The following SIGLEC11 variants were observed in gnomAD, a reference collection of about 807,000 sequenced individuals.
The protein encoded by SIGLEC11 is sialic acid-binding Ig-like lectin 11.
SIGLEC11 carries 47 observed loss-of-function variants against 61.2 expected under a neutral mutation model. The observed-to-expected ratio is 0.77, with a 90% CI of 0.61 to 0.98. The LOEUF is 0.98. SIGLEC11 is among the 50% of genes least tolerant of loss of function. The pLI is 0.00. For synonymous variants in SIGLEC11, 278 were observed against 373.1 expected (o/e 0.75, Z 2.94); for missense variants, 610 against 870.3 (o/e 0.70, Z 3.76).
intron 9 of SIGLEC11, 70 bp downstream of exon 9, chr19:49,952,228 C>A: frequency 6.8e-7 from 1 of 1,468,212 alleles, no homozygotes; most frequent in South Asian, 1.2e-5. Flanking sequence ...ATTCCTGCAG[C>A]TGGGACTGTC....
intron 10 of SIGLEC11, among the ~76,000 whole-genome samples, chr19:49,950,579 C>T (rs2076152755): frequency 1.3e-5 from 2 of 152,170 alleles, no homozygotes; most frequent in Admixed American, 1.3e-4. Flanking sequence ...ACCCGCACAT[C>T]TAAGTAGCGG....
At position 49,951,954 on chromosome 19, in the gene SIGLEC11, CT is replaced by C. The variant is rs1306501887; in HGVS notation, c.1766del (p.Lys589ArgfsTer64). On this transcript the variant is annotated frameshift_variant, in exon 10 of 11. Transcript: ENST00000447370. LOFTEE classifies it high-confidence loss of function. The surrounding 1 kb of genome is among the most constrained non-coding windows in gnomAD (Gnocchi z 4.6). ...CAGCTGCTGCCCTCTTGCGAGCTTC[CT>C]TCCTGCAGATCTTCACCCTGAGGGA... The part of the protein sequence containing the change: ...LVVFRVKICR[K>X]EARKRAAAEQ... The C allele has an allele frequency of 6.2e-7, 1 of 1,610,896 alleles. No individual in the cohort carries two copies. The highest frequency in any genetic ancestry group is 1.3e-5 in the African/African-American group (1 of 74,882).
rs1450306301 is a variant in SIGLEC11, at chr19:49,955,767, T to C, written c.1651+2516A>G. The stretch of plus-strand genomic sequence containing the variant: ...GGCTAACACTGTGAAACCCTGTCTC[T>C]AGTAAAAATACAAAAAAATTAGCCG... On this transcript the variant is annotated intron_variant, in intron 8 of 10. Coordinates refer to ENST00000447370, the MANE Select transcript of SIGLEC11 (RefSeq NM_052884.3). This position sits in a 1 kb window ranked among gnomAD's most constrained non-coding sequence, Gnocchi z 4.5. 6.6e-6 allele frequency among the ~76,000 whole-genome samples: 1 copy of C among 152,070 alleles called. No individual in the cohort carries two copies. The highest frequency in any genetic ancestry group is 1.5e-5 in the Non-Finnish European group (1 of 68,010).
At position 49,951,684 on chromosome 19, in the gene SIGLEC11, G is replaced by C. The variant is rs1220003816; in HGVS notation, c.1830+207C>G. Among the ~76,000 whole-genome samples the C allele has an allele frequency of 1.3e-5, 2 of 152,092 alleles. No individual in the cohort carries two copies. The highest frequency in any genetic ancestry group is 2.4e-5 in the African/African-American group (1 of 41,408). On this transcript the variant is annotated intron_variant, in intron 10 of 10. Transcript: ENST00000447370. The surrounding 1 kb of genome is among the most constrained non-coding windows in gnomAD (Gnocchi z 4.6). Reference sequence around the variant, plus strand: ...GCACAGGCAGAGTATGGACAGGCCTGGGGGGCCCTTGGTTCTGGGAGGGGA... The same window carrying C: ...GCACAGGCAGAGTATGGACAGGCCTCGGGGGCCCTTGGTTCTGGGAGGGGA...
At chr19:49,960,470 G>C in intron 2 of SIGLEC11, 49 bp from the exon 3 acceptor site, 1 of 1,588,358 alleles carries the variant, frequency 6.3e-7, no homozygotes, top group Non-Finnish European at 8.5e-7. Context: ...GGGTCCCTGA[G>C]AGCCCTCTCT....
Position 49,958,404 on chromosome 19 carries a change from G to C in SIGLEC11, c.1530C>G (p.Ala510=), listed in dbSNP as rs528438537. The C allele has an allele frequency of 1.1e-3, 1,792 of 1,614,068 alleles. 35 individuals are homozygous for C. The South Asian group carries it at 0.018, about 16-fold the overall frequency. The change falls in exon 8 of 11, where the codon GCC becomes GCG. Residue 510 remains alanine, a synonymous_variant. Coordinates refer to ENST00000447370, the MANE Select transcript of SIGLEC11 (RefSeq NM_052884.3). ...QGSFEVTPSS[A]GPWANSSLSL... ...TCAGGGAGCTGTTGGCCCAGGGCCC[G>C]GCTGAGCTGGGGGTGACCTCGAAGG... is the stretch of plus-strand genomic sequence containing the variant.
chr19:49,951,919 A>C lies in SIGLEC11; in HGVS notation c.1802T>G (p.Val601Gly). 1.2e-6 allele frequency: 2 copies of C among 1,610,072 alleles called. No individual in the cohort carries two copies. The highest frequency in any genetic ancestry group is 1.7e-6 in the Non-Finnish European group (2 of 1,178,438). The change falls in exon 10 of 11, where the codon GTG (valine) becomes GGG (glycine). Residue 601 changes from valine (V) to glycine (G), a missense_variant. Physicochemically the swap from Val to Gly is moderately radical, Grantham distance 109. This residue lies in a region of SIGLEC11 where 432 missense variants were observed against 441.5 expected (regional missense o/e 0.98). Transcript: ENST00000447370. The surrounding 1 kb of genome is among the most constrained non-coding windows in gnomAD (Gnocchi z 4.6). ...ARKRAAAEQD[V>G]PSTLGPISQG... is the part of the protein sequence containing the mutation. ...GGAGATGGGTCCCAGGGTGGAGGGC[A>C]CGTCCTGCTCAGCTGCTGCCCTCTT...
In SIGLEC11 at chr19:49,960,581, A is replaced by G. The variant is rs767417777; in HGVS notation, c.431T>C (p.Leu144Pro). ...TACTTTTAGAAAGAACGCATTGCTC[A>G]GGAAACTATGTCTCACACGGCTTCC... The part of the protein sequence containing the change: ...ERGSRVRHSF[L>P]SNAFFLKVTA... Residue 144 changes from leucine to proline, a missense_variant, in exon 2 of 11, where the codon CTG becomes CCG. By Grantham distance (98) the Leu-to-Pro change is moderately conservative. Coordinates refer to ENST00000447370, the MANE Select transcript of SIGLEC11 (RefSeq NM_052884.3). 6.3e-6 allele frequency: 10 copies of G among 1,598,398 alleles called. 1 individual carries two copies. The highest frequency in any genetic ancestry group is 1.1e-5 in the South Asian group (1 of 90,728).
chr19:49,954,179 G>A (rs1310874819), intron 8 of SIGLEC11, among the ~76,000 whole-genome samples: 1 of 152,144 alleles, frequency 6.6e-6, no homozygotes, highest in Non-Finnish European at 1.5e-5. Context: ...AGTAAGAGCA[G>A]CTTCACCGAC....
chr19:49,949,773 T>G lies in SIGLEC11; in HGVS notation c.*197A>C. 2 of 443,886 alleles carry G rather than the reference T, an allele frequency of 4.5e-6. No homozygotes were observed. Among genetic ancestry groups the G allele is most frequent in the Non-Finnish European group, 3.7e-6 (1 of 273,658 alleles). The allele number at this position is 443,886 out of a possible 1,614,324, so 27.5% of individuals were successfully genotyped here. A position where few individuals can be genotyped will look rare whatever the true frequency, so the allele number is the denominator to read the frequency against. On this transcript the variant is annotated 3_prime_UTR_variant, in exon 11 of 11. Coordinates refer to ENST00000447370, the MANE Select transcript of SIGLEC11 (RefSeq NM_052884.3). Reference sequence around the variant, plus strand: ...GGGAGGCTCACTTCAACCTGGCAGGTTGAGGCTACAGTGAGCTGAGATTGC... The same window carrying G: ...GGGAGGCTCACTTCAACCTGGCAGGGTGAGGCTACAGTGAGCTGAGATTGC...
chr19:49,950,138 G>C lies in SIGLEC11; in HGVS notation c.1929C>G (p.His643Gln), dbSNP rs1428231934. Residue 643 changes from histidine (H) to glutamine (Q), a missense_variant, in exon 11 of 11, where the codon CAC becomes CAG. Transcript: ENST00000447370. ...GGCCCTGGAAGCTGAGGGAGGCATA[G>C]TGGAGCTCCTGCTCTTCCCCCTTCC... ...TPGKGEEQEL[H>Q]YASLSFQGLR... is the part of the protein sequence containing the mutation. 5.0e-6 allele frequency: 8 copies of C among 1,612,616 alleles called. No individual in the cohort carries two copies. Among genetic ancestry groups the C allele is most frequent in the Non-Finnish European group, 6.8e-6 (8 of 1,179,660 alleles).
intron 9 of SIGLEC11, 99 bp downstream of exon 9, chr19:49,952,199 C>T (rs2076162907): frequency 7.7e-7 from 1 of 1,295,910 alleles, no homozygotes; most frequent in Non-Finnish European, 1.1e-6. Context: ...CTAGTTCTCA[C>T]ACCCACTGCC....
intron 8 of SIGLEC11, 62 bp downstream of exon 8, chr19:49,958,221 T>G (rs2076211468): frequency 6.3e-7 from 1 of 1,596,366 alleles, no homozygotes; most frequent in Non-Finnish European, 8.5e-7. Context: ...ACCTTGAACC[T>G]TCATCTTTCT....
At position 49,950,125 on chromosome 19, in the gene SIGLEC11, T is replaced by C; in HGVS notation, c.1942A>G (p.Ser648Gly). 6.2e-7 allele frequency: 1 copy of C among 1,612,650 alleles called. No homozygotes were observed. The highest frequency in any genetic ancestry group is 8.5e-7 in the Non-Finnish European group (1 of 1,179,586). ...EEQELHYASL[S>G]FQGLRLWEPA... ...TCCCAGAGCCTCAGGCCCTGGAAGC[T>C]GAGGGAGGCATAGTGGAGCTCCTGC... The change falls in exon 11 of 11, where the codon AGC becomes GGC. Residue 648 changes from serine (S) to glycine (G), a missense_variant. By Grantham distance (56) the Ser-to-Gly change is moderately conservative (BLOSUM62 0). Around this residue, in one of 6 missense-constraint regions of SIGLEC11, gnomAD observed 432 missense variants for 441.5 expected, o/e 0.98. Transcript: ENST00000447370.
rs1415197958 is a variant in SIGLEC11, at chr19:49,951,484, G to A, written c.1830+407C>T. 1.3e-5 allele frequency among the ~76,000 whole-genome samples: 2 copies of A among 152,198 alleles called. No individual in the cohort carries two copies. Among genetic ancestry groups the A allele is most frequent in the African/African-American group, 4.8e-5 (2 of 41,440 alleles). On this transcript the variant is annotated intron_variant, in intron 10 of 10. Coordinates refer to ENST00000447370, the MANE Select transcript of SIGLEC11 (RefSeq NM_052884.3). This position sits in a 1 kb window ranked among gnomAD's most constrained non-coding sequence, Gnocchi z 4.6. ...GAGTGGTCGTGGGGACCCCACAACT[G>A]TGGTTGGTGTCAGAAGTGAGGATGG...
chr19:49,956,008 C>T (rs910554671), intron 8 of SIGLEC11, among the ~76,000 whole-genome samples: 2 of 151,998 alleles, frequency 1.3e-5, no homozygotes, highest in African/African-American at 2.4e-5. Context: ...GTTACCAGAG[C>T]CCACTCCTTT....
At chr19:49,950,309 G>A (rs2076151225) in intron 10 of SIGLEC11, 73 bp from the exon 11 acceptor site, 4 of 1,362,464 alleles carry the variant, frequency 2.9e-6, no homozygotes, top group Admixed American at 3.1e-5. Flanking sequence ...ATGCACAAGA[G>A]GATCTGGAAA....
At chr19:49,958,179 C>T (rs2076211172) in intron 8 of SIGLEC11, 104 bp downstream of exon 8, 1 of 1,525,482 alleles carries the variant, frequency 6.6e-7, no homozygotes, top group Non-Finnish European at 8.9e-7. Flanking sequence ...TGTCCCCATC[C>T]CTTCCCACCA....
At chr19:49,960,480 T>G in intron 2 of SIGLEC11, 59 bp from the exon 3 acceptor site, 1 of 1,589,264 alleles carries the variant, frequency 6.3e-7, no homozygotes, top group Admixed American at 1.7e-5. Context: ...GAGCCCTCTC[T>G]GCTCAGCCCA....
Sources: allele counts gnomAD v4.1 joint callset (sites outside exome capture counted in the v4.1 genomes callset), GRCh38; gene constraint gnomAD v4.1.1; regional missense constraint gnomAD v4.1.1; non-coding constraint Gnocchi (gnomAD v3.1); transcripts MANE v1.5; gene names NCBI Gene and HGNC (gene_info 2026-07-23, HGNC 2026-07-21).